Variants in SLC49A4 observed in about 807,000 individuals in gnomAD.
The protein encoded by SLC49A4 is solute carrier family 49 member 4, also known as disrupted in renal cancer protein 2.
SLC49A4 carries 36 observed loss-of-function variants against 50.6 expected under a neutral mutation model. The observed-to-expected ratio is 0.71, with a 90% CI of 0.55 to 0.94. The LOEUF (loss-of-function observed/expected upper bound fraction) is 0.94. SLC49A4 is among the 40% of genes least tolerant of loss of function. The probability of loss-of-function intolerance (pLI) is 0.00; values close to 1 mark genes in which losing one functional copy is unlikely to be tolerated. For missense variants in SLC49A4, 503 were observed against 605.7 expected, an observed-to-expected ratio of 0.83 and a Z score of 1.78; for synonymous variants, 248 against 241.2, an observed-to-expected ratio of 1.03 and a Z score of -0.26.
intron 4 of SLC49A4, among the ~76,000 whole-genome samples, chr3:122,840,718 T>A (rs1441620168): frequency 6.6e-6 from 1 of 152,210 alleles, no homozygotes; most frequent in Non-Finnish European, 1.5e-5. Flanking sequence ...TGATTTCCAG[T>A]AGAATTAAGT....
chr3:122,841,937 T>C (rs1161879066), intron 4 of SLC49A4, among the ~76,000 whole-genome samples: 4 of 117,890 alleles, frequency 3.4e-5, no homozygotes, highest in Non-Finnish European at 6.2e-5. Flanking sequence ...TTTCACATAA[T>C]AGGTAAAAAA....
intron 6 of SLC49A4, 125 bp downstream of exon 6, chr3:122,856,499 G>A: frequency 1.1e-6 from 1 of 872,946 alleles, no homozygotes. Context: ...TCAGAAAGGG[G>A]TACTTGTTCA....
chr3:122,795,577 G>A lies in SLC49A4; in HGVS notation c.343+42G>A, dbSNP rs1936017599. 5 of 1,550,958 alleles carry A rather than the reference G, an allele frequency of 3.2e-6. No individual in the cohort carries two copies. The East Asian group carries it at 9.7e-5, about 30-fold the overall frequency. On this transcript the variant is annotated intron_variant, in intron 1 of 8. Transcript: ENST00000261038. ...CGCCAGCCCGCGCTGTCTCTCCTCC[G>A]GGAGCAGGCGCCTGCCCGCGCTCCA...
chr3:122,810,044 G>A (rs1172626064), intron 2 of SLC49A4, among the ~76,000 whole-genome samples: 1 of 152,136 alleles, frequency 6.6e-6, no homozygotes, highest in Non-Finnish European at 1.5e-5. Context: ...TCCAGGGAAG[G>A]CCAGTGTTGA....
chr3:122,865,857 T>A (rs1028892263), intron 7 of SLC49A4, among the ~76,000 whole-genome samples: 1 of 152,216 alleles, frequency 6.6e-6, no homozygotes, highest in African/African-American at 2.4e-5. Flanking sequence ...TTCAGGGACA[T>A]TTCTTGATTC....
At chr3:122,856,210 A>T in intron 5 of SLC49A4, 97 bp from the exon 6 acceptor site, 1 of 1,031,330 alleles carries the variant, frequency 9.7e-7, no homozygotes. Flanking sequence ...TCATCCATTT[A>T]GCTACTAACA....
At chr3:122,816,620 C>T (rs1936370812) in intron 2 of SLC49A4, among the ~76,000 whole-genome samples, 11 of 152,100 alleles carry the variant, frequency 7.2e-5, no homozygotes, top group Admixed American at 7.2e-4. Context: ...TCAAACAAGA[C>T]AATATTTCTT....
chr3:122,846,661 A>G (rs758840100), intron 5 of SLC49A4, among the ~76,000 whole-genome samples: 1 of 152,196 alleles, frequency 6.6e-6, no homozygotes, highest in African/African-American at 2.4e-5. Context: ...AAAATTTCTC[A>G]TCATCCCACA....
In SLC49A4 at chr3:122,860,172, A is replaced by T. The variant is rs778062660; in HGVS notation, c.1108A>T (p.Asn370Tyr). 1.2e-6 allele frequency: 2 copies of T among 1,611,470 alleles called. No individual in the cohort carries two copies. The highest frequency in any genetic ancestry group is 2.2e-5 in the South Asian group (2 of 90,670). The change falls in exon 7 of 9, where the codon AAC (asparagine) becomes TAC (tyrosine). Residue 370 changes from asparagine to tyrosine, a missense_variant. Transcript: ENST00000261038. ...CACGTGGTTCACCCTGACCTGTTTG[A>T]ACAGCATCACACACCTACCTTTAAC... The part of the protein sequence containing the change: ...SSTWFTLTCL[N>Y]SITHLPLTTV...
At chr3:122,830,044 G>A (rs1936587708) in intron 3 of SLC49A4, among the ~76,000 whole-genome samples, 1 of 152,056 alleles carries the variant, frequency 6.6e-6, no homozygotes, top group African/African-American at 2.4e-5. Context: ...CTATATATTG[G>A]CAATGAACAA....
rs186808949 is a variant in SLC49A4 at position 122,837,266 on chromosome 3, C to T, written c.833+3820C>T. Among the ~76,000 whole-genome samples, 6 of 152,242 alleles carry T rather than the reference C, an allele frequency of 3.9e-5. No homozygotes were observed. In the East Asian group the frequency reaches 1.2e-3, roughly 29 times the overall value. On this transcript the variant is annotated intron_variant, in intron 4 of 8. Transcript: ENST00000261038. Reference sequence around the variant, plus strand: ...CCCGCAATGCCCAGTCAATTCTAAGCCAAAAGAACAAAGCTGGAGGCATCA... The same window carrying T: ...CCCGCAATGCCCAGTCAATTCTAAGTCAAAAGAACAAAGCTGGAGGCATCA...
intron 7 of SLC49A4, among the ~76,000 whole-genome samples, chr3:122,868,087 C>T (rs1000421315): frequency 2.0e-5 from 3 of 151,800 alleles, no homozygotes; most frequent in African/African-American, 7.3e-5. Context: ...TGCACTCCAG[C>T]CTGGGCAACA....
chr3:122,873,847 C>T (rs2107584847), intron 8 of SLC49A4, among the ~76,000 whole-genome samples: 1 of 152,286 alleles, frequency 6.6e-6, no homozygotes, highest in South Asian at 2.1e-4. Flanking sequence ...AGCTTTAATC[C>T]ACTTCAGTTG....
intron 6 of SLC49A4, among the ~76,000 whole-genome samples, chr3:122,858,579 T>C (rs1348485850): frequency 6.6e-6 from 1 of 152,136 alleles, no homozygotes; most frequent in African/African-American, 2.4e-5. Context: ...TAGGAAGTCA[T>C]TTTATTCTAG....
At position 122,864,153 on chromosome 3, in the gene SLC49A4, C is replaced by G. The variant is rs114360894; in HGVS notation, c.1138+3951C>G. 4.0e-3 allele frequency among the ~76,000 whole-genome samples: 603 copies of G among 152,348 alleles called. 2 individuals are homozygous for G. The highest frequency in any genetic ancestry group is 7.1e-3 in the Admixed American group (109 of 15,302). ...AGAATAAAAACTGGGTCATTCCAGT[C>G]TATCCCAGAGCATACTGTTTTGATA... is the stretch of plus-strand genomic sequence containing the variant. On this transcript the variant is annotated intron_variant, in intron 7 of 8. Transcript: ENST00000261038.
chr3:122,829,162 T>C lies in SLC49A4; in HGVS notation c.703+2097T>C, dbSNP rs867096404. On this transcript the variant is annotated intron_variant, in intron 3 of 8. Coordinates refer to ENST00000261038, the MANE Select transcript of SLC49A4 (RefSeq NM_032839.3). ...TACAGATCCAAATCTCAGATGAGTA[T>C]AAACACAAAAGTCCTGAACAAAATA... 3.9e-5 allele frequency among the ~76,000 whole-genome samples: 6 copies of C among 152,318 alleles called. 1 individual carries two copies. The Middle Eastern group carries it at 0.017, about 432-fold the overall frequency.
In SLC49A4 at chr3:122,795,522, C is replaced by G; in HGVS notation, c.330C>G (p.Leu110=). The change falls in exon 1 of 9, where the codon CTC becomes CTG. Residue 110 remains leucine (L), a synonymous_variant. Transcript: ENST00000261038. ...TGCCCTGCTTCGCGTTCATGTGGCT[C>G]CTGGACAAGAGAGGTGAGGGGTCGC... The part of the protein sequence containing the change: ...GFLPCFAFMW[L]LDKRGLRITV... 6.3e-7 allele frequency: 1 copy of G among 1,599,408 alleles called. No individual in the cohort carries two copies. Among genetic ancestry groups the G allele is most frequent in the Non-Finnish European group, 8.5e-7 (1 of 1,178,024 alleles).
At chr3:122,823,779 A>G (rs991556499) in intron 2 of SLC49A4, among the ~76,000 whole-genome samples, 1 of 152,238 alleles carries the variant, frequency 6.6e-6, no homozygotes, top group Non-Finnish European at 1.5e-5. Flanking sequence ...GACTTAATGT[A>G]TAAAGCAGAA....
At chr3:122,813,597 A>T (rs1560199161) in intron 2 of SLC49A4, among the ~76,000 whole-genome samples, 1 of 152,166 alleles carries the variant, frequency 6.6e-6, no homozygotes, top group Non-Finnish European at 1.5e-5. Flanking sequence ...TTTATTAAGA[A>T]TATATTCAAA....
Sources: allele counts gnomAD v4.1 joint callset (sites outside exome capture counted in the v4.1 genomes callset), GRCh38; gene constraint gnomAD v4.1.1; transcripts MANE v1.5; gene names NCBI Gene and HGNC (gene_info 2026-07-23, HGNC 2026-07-21).